TENM1: variants seen among roughly 807,000 people sequenced by gnomAD.
TENM1 encodes the protein teneurin-1.
In TENM1, 35 loss-of-function variants were observed where a neutral mutation model predicts 174.8. That is an observed-to-expected ratio of 0.20 (90% CI 0.15 to 0.27). TENM1 has a LOEUF of 0.27. Ranked by LOEUF, TENM1 falls within the 10% of genes least tolerant of loss-of-function variation. TENM1 has a pLI of 1.00. For synonymous variants in TENM1, 781 were observed against 798.7 expected (o/e 0.98, Z 0.37); for missense variants, 1,633 against 2,130.1 (o/e 0.77, Z 4.59).
At chrX:124,594,898 G>A (rs2049853326) in intron 11 of TENM1, among the ~76,000 whole-genome samples, 1 of 112,181 alleles carries the variant, frequency 8.9e-6, no homozygotes, top group Non-Finnish European at 1.9e-5. Context: ...TGTCAGGATA[G>A]TTAATTCTTT....
At chrX:124,469,556 C>G (rs1282110107) in intron 22 of TENM1, among the ~76,000 whole-genome samples, 1 of 111,349 alleles carries the variant, frequency 9.0e-6, no homozygotes, top group Non-Finnish European at 1.9e-5. Flanking sequence ...ATTGGAGAGG[C>G]ACATGGTATG....
chrX:124,650,199 CCA>C (rs1491458513), intron 8 of TENM1, among the ~76,000 whole-genome samples: 2 of 40,861 alleles, frequency 4.9e-5, no homozygotes, highest in African/African-American at 1.3e-4. Context: ...GAAACTGTCT[CCA>C]AAAAAAAAAA....
the TENM1 span, among the ~76,000 whole-genome samples, chrX:125,159,841 T>C: frequency 1.8e-5 from 2 of 111,518 alleles, no homozygotes; most frequent in African/African-American, 3.3e-5. Flanking sequence ...CATGAGCACA[T>C]GAAGAGGTGA....
chrX:124,931,226 T>G (rs1182047193), intron 1 of TENM1, among the ~76,000 whole-genome samples: 2 of 108,685 alleles, frequency 1.8e-5, no homozygotes, highest in Non-Finnish European at 3.8e-5. Flanking sequence ...AAGATGCATT[T>G]TCCCTTAAAA....
intron 3 of TENM1, among the ~76,000 whole-genome samples, chrX:124,832,781 C>A (rs2056316878): frequency 9.0e-6 from 1 of 111,687 alleles, no homozygotes; most frequent in Admixed American, 9.5e-5. Flanking sequence ...TGCCATATTG[C>A]CCTGGCTGGT....
chrX:124,817,712 T>C (rs2055935935), intron 3 of TENM1, among the ~76,000 whole-genome samples: 1 of 112,003 alleles, frequency 8.9e-6, no homozygotes, highest in Non-Finnish European at 1.9e-5. Flanking sequence ...TTCTCCACTA[T>C]GCTCTATTTA....
At chrX:124,495,726 A>T (rs923359568) in intron 20 of TENM1, among the ~76,000 whole-genome samples, 1 of 103,846 alleles carries the variant, frequency 9.6e-6, no homozygotes, top group African/African-American at 3.7e-5. Context: ...AAGAGGATAC[A>T]AAGAAATGGA....
chrX:124,896,101 C>T, exon 2 of TENM1: 1 of 1,211,374 alleles, frequency 8.3e-7, no homozygotes, highest in East Asian at 3.0e-5. Flanking sequence ...ATTCTTAGTG[C>T]ATGGTCAGGT....
At chrX:124,881,091 G>A (rs1368069499) in intron 3 of TENM1, among the ~76,000 whole-genome samples, 3 of 112,025 alleles carry the variant, frequency 2.7e-5, no homozygotes, top group South Asian at 7.4e-4. Flanking sequence ...TTTTGAAATA[G>A]TTTGAGGAGA....
chrX:125,039,356 A>C, the TENM1 span, among the ~76,000 whole-genome samples: 1 of 111,337 alleles, frequency 9.0e-6, no homozygotes, highest in Non-Finnish European at 1.9e-5. Context: ...CCAGTGCACG[A>C]CAAAGGAGGA....
intron 4 of TENM1, among the ~76,000 whole-genome samples, chrX:124,720,078 C>A (rs771693014): frequency 8.9e-6 from 1 of 111,888 alleles, no homozygotes; most frequent in South Asian, 3.8e-4. Context: ...CATCTTGAAT[C>A]TTGTCACTAT....
the TENM1 span, among the ~76,000 whole-genome samples, chrX:125,183,512 G>A: frequency 2.7e-5 from 3 of 111,877 alleles, no homozygotes; most frequent in Admixed American, 9.5e-5. Flanking sequence ...ATCAGGTTAC[G>A]CACTTGGATG....
intron 11 of TENM1, among the ~76,000 whole-genome samples, chrX:124,614,955 A>G (rs1417910368): frequency 8.9e-6 from 1 of 111,989 alleles, no homozygotes; most frequent in Non-Finnish European, 1.9e-5. Flanking sequence ...GGAGGAATTG[A>G]TCATGCTTCA....
chrX:124,503,757 G>A, intron 18 of TENM1, 54 bp from the exon 22 acceptor site: 1 of 1,037,915 alleles, frequency 9.6e-7, no homozygotes. Flanking sequence ...TTTGCTTCAT[G>A]TTTATACTAG....
exon 17 of TENM1, chrX:124,523,367 C>T: frequency 8.3e-7 from 1 of 1,211,330 alleles, no homozygotes; most frequent in Non-Finnish European, 1.1e-6. Flanking sequence ...TACTCACCTG[C>T]AGCTCAGGAA....
At chrX:124,962,545 C>T (rs1157147753) in intron 1 of TENM1, among the ~76,000 whole-genome samples, 5 of 112,104 alleles carry the variant, frequency 4.5e-5, no homozygotes, top group African/African-American at 9.7e-5. Flanking sequence ...GCCATCCGGG[C>T]GCGGTGGCTC....
At chrX:124,712,980 T>A (rs945689621) in intron 4 of TENM1, among the ~76,000 whole-genome samples, 1 of 111,583 alleles carries the variant, frequency 9.0e-6, no homozygotes, top group Non-Finnish European at 1.9e-5. Context: ...AACCTCAACA[T>A]CTCTACTAAC....
At chrX:124,993,779 TATA>T in the TENM1 span, among the ~76,000 whole-genome samples, 2 of 110,516 alleles carry the variant, frequency 1.8e-5, no homozygotes, top group Non-Finnish European at 3.8e-5. Context: ...ATATTTACTA[TATA>T]ATTTTATTTC....
At chrX:124,462,853 G>A (rs2061194236) in intron 22 of TENM1, among the ~76,000 whole-genome samples, 1 of 111,846 alleles carries the variant, frequency 8.9e-6, no homozygotes, top group Admixed American at 9.5e-5. Flanking sequence ...GCCAAGAACT[G>A]CATATGAATT....
Sources: allele counts gnomAD v4.1 joint callset (sites outside exome capture counted in the v4.1 genomes callset), GRCh38; gene constraint gnomAD v4.1.1; transcripts MANE v1.5; gene names NCBI Gene and HGNC (gene_info 2026-07-23, HGNC 2026-07-21).